THBS1: variants seen among roughly 807,000 people sequenced by gnomAD.
THBS1 encodes the protein thrombospondin-1.
In THBS1, 29 loss-of-function variants were observed where a neutral mutation model predicts 126.1. The observed-to-expected ratio is 0.23, with a 90% CI of 0.17 to 0.31. THBS1 has a LOEUF of 0.31. Among genes scored for constraint, THBS1 ranks in the 10% least tolerant of loss-of-function variants. The pLI is 1.00. For missense variants in THBS1, 1,198 were observed against 1,545.2 expected (o/e 0.78, Z 3.77); for synonymous variants, 496 against 577.8 (o/e 0.86, Z 2.03).
Position 39,594,424 on chromosome 15 carries a change from G to T in THBS1, c.3489G>T (p.Leu1163=). 6.2e-7 allele frequency: 1 copy of T among 1,614,084 alleles called. No individual in the cohort carries two copies. Among genetic ancestry groups the T allele is most frequent in the Non-Finnish European group, 8.5e-7 (1 of 1,179,994 alleles). The stretch of plus-strand genomic sequence containing the variant: ...AAGAAATGGTGTTCTTCTCTGACCT[G>T]AAATACGAATGTAGAGGTAAGAGCA... ...FSQEMVFFSD[L]KYECRDP The change falls in exon 21 of 22, where the codon CTG becomes CTT. Residue 1163 remains leucine (L), a synonymous_variant. Transcript: ENST00000260356. The surrounding 1 kb of genome is among the most constrained non-coding windows in gnomAD (Gnocchi z 4.4).
chr15:39,589,714 A>G lies in THBS1; in HGVS notation c.1927-91A>G. The stretch of plus-strand genomic sequence containing the variant: ...ACTCTTCCAAATGGAGCCTCTGTCT[A>G]CTCAGAGATGACAGGGATCTGGATT... On this transcript the variant is annotated intron_variant, in intron 12 of 21. Transcript: ENST00000260356. This position sits in a 1 kb window ranked among gnomAD's most constrained non-coding sequence, Gnocchi z 4.7. The G allele has an allele frequency of 1.5e-6, 2 of 1,329,300 alleles. No individual in the cohort carries two copies. The highest frequency in any genetic ancestry group is 2.0e-6 in the Non-Finnish European group (2 of 987,522). The allele number at this position is 1,329,300 out of a possible 1,614,324, so 82.3% of individuals were successfully genotyped here.
At chr15:39,582,150 C>T in intron 2 of THBS1, 43 bp from the exon 3 acceptor site, 1 of 1,546,728 alleles carries the variant, frequency 6.5e-7, no homozygotes, top group Non-Finnish European at 8.7e-7. Context: ...TACTGCTGGT[C>T]CCAGCCTAGA....
At position 39,591,544 on chromosome 15, in the gene THBS1, A is replaced by G. The variant is rs781562493; in HGVS notation, c.2453A>G (p.Asn818Ser). The stretch of plus-strand genomic sequence containing the variant: ...CGGGACAACTGCCAGTACGTCTACA[A>G]TGTGGACCAGAGAGACACTGATATG... ...NERDNCQYVY[N>S]VDQRDTDMDG... is the part of the protein sequence containing the mutation. The change falls in exon 16 of 22, where the codon AAT (asparagine) becomes AGT (serine). Residue 818 changes from asparagine to serine, a missense_variant. Around this residue, in one of 4 missense-constraint regions of THBS1, gnomAD observed 663 missense variants for 860.1 expected, o/e 0.77. Transcript: ENST00000260356. 14 of 1,614,092 alleles carry G rather than the reference A, an allele frequency of 8.7e-6. No individual in the cohort carries two copies. In the Admixed American group the frequency reaches 1.7e-4, roughly 19 times the overall value.
In THBS1 at chr15:39,588,596, A is replaced by G. The variant is rs551141221; in HGVS notation, c.1542A>G (p.Lys514=). ...TCACCTGTGGAGGAGGGGTACAGAA[A>G]CGTAGTCGTCTCTGCAACAACCCCA... is the stretch of plus-strand genomic sequence containing the variant. ...CSVTCGGGVQ[K]RSRLCNNPTP... Residue 514 remains lysine, a synonymous_variant, in exon 10 of 22, where the codon AAA becomes AAG. Coordinates refer to ENST00000260356, the MANE Select transcript of THBS1 (RefSeq NM_003246.4). The G allele has an allele frequency of 1.2e-5, 19 of 1,610,384 alleles. 1 individual carries two copies. In the South Asian group the frequency reaches 1.3e-4, roughly 11 times the overall value.
rs1226379132 is a variant in THBS1 at position 39,595,805 on chromosome 15, C to T, written c.*436C>T. On this transcript the variant is annotated 3_prime_UTR_variant, in exon 22 of 22. Transcript: ENST00000260356. ...CCACCCTGACATCCTCCTTCAGGAA[C>T]ACGGGGAGCAGAGGCCAAAGCACTA... The T allele has an allele frequency of 2.2e-6, 1 of 460,670 alleles. No individual in the cohort carries two copies. The highest frequency in any genetic ancestry group is 2.0e-5 in the African/African-American group (1 of 50,402). 28.5% of individuals were successfully genotyped at this position (460,670 alleles called of 1,614,324 possible).
chr15:39,592,550 T>A lies in THBS1; in HGVS notation c.2533-18T>A, dbSNP rs1226167219. The stretch of plus-strand genomic sequence containing the variant: ...GGTTTATACTGCAATTTACCCTCCA[T>A]TTACATCTCTCTTTCAGCTGGACTC... On this transcript the variant is annotated intron_variant, in intron 16 of 21. Coordinates refer to ENST00000260356, the MANE Select transcript of THBS1 (RefSeq NM_003246.4). The surrounding 1 kb of genome is among the most constrained non-coding windows in gnomAD (Gnocchi z 4.3). 6 of 1,595,802 alleles carry A rather than the reference T, an allele frequency of 3.8e-6. No homozygotes were observed. Among genetic ancestry groups the A allele is most frequent in the Non-Finnish European group, 5.1e-6 (6 of 1,168,526 alleles).
In THBS1 at chr15:39,582,040, C is replaced by T. The variant is rs1238280262; in HGVS notation, c.67+116C>T. 3.7e-6 allele frequency: 5 copies of T among 1,336,276 alleles called. No individual in the cohort carries two copies. The African/African-American group carries it at 5.8e-5, about 15-fold the overall frequency. 82.8% of individuals were successfully genotyped at this position (1,336,276 alleles called of 1,614,324 possible). On this transcript the variant is annotated intron_variant, in intron 2 of 21. Coordinates refer to ENST00000260356, the MANE Select transcript of THBS1 (RefSeq NM_003246.4). ...TCTTGAGCCTGACTGGACATCAGGACGCAGCTTCACTCTGATCCTGGTATT... is the reference window on the plus strand; with the variant it reads ...TCTTGAGCCTGACTGGACATCAGGATGCAGCTTCACTCTGATCCTGGTATT...
rs938806229 is a variant in THBS1 at position 39,583,918 on chromosome 15, T to C, written c.704-70T>C. 5.4e-5 allele frequency: 85 copies of C among 1,568,480 alleles called. 1 individual carries two copies. The East Asian group carries it at 1.6e-3, about 30-fold the overall frequency. On this transcript the variant is annotated intron_variant, in intron 4 of 21. Transcript: ENST00000260356. The stretch of plus-strand genomic sequence containing the variant: ...CCTTCACACCAAATGAAACGTCTTC[T>C]ACCACTAAGAACTCAAGAGGCTGGT...
chr15:39,589,449 C>CAAA lies in THBS1; in HGVS notation c.1926+103_1926+105dup. Reference sequence around the variant, plus strand: ...AGGAATGTAATTTCATACCCTTCACCAAAAAAAAAAGGGCGAGGAGATGAA... The same window carrying CAAA: ...AGGAATGTAATTTCATACCCTTCACCAAAAAAAAAAAAAGGGCGAGGAGATGAA... On this transcript the variant is annotated intron_variant, in intron 12 of 21. Coordinates refer to ENST00000260356, the MANE Select transcript of THBS1 (RefSeq NM_003246.4). This position sits in a 1 kb window ranked among gnomAD's most constrained non-coding sequence, Gnocchi z 4.7. 1.7e-6 allele frequency: 2 copies of CAAA among 1,148,556 alleles called. No homozygotes were observed. The highest frequency in any genetic ancestry group is 3.2e-5 in the East Asian group (1 of 30,814). The allele number at this position is 1,148,556 out of a possible 1,614,324, so 71.1% of individuals were successfully genotyped here.
chr15:39,589,852 C>T lies in THBS1; in HGVS notation c.1974C>T (p.Asn658=). 1 of 1,614,102 alleles carries T rather than the reference C, an allele frequency of 6.2e-7. No homozygotes were observed. Among genetic ancestry groups the T allele is most frequent in the Non-Finnish European group, 8.5e-7 (1 of 1,179,988 alleles). The change falls in exon 13 of 22, where the codon AAC becomes AAT. Residue 658 remains asparagine (N), a synonymous_variant. Coordinates refer to ENST00000260356, the MANE Select transcript of THBS1 (RefSeq NM_003246.4). This position sits in a 1 kb window ranked among gnomAD's most constrained non-coding sequence, Gnocchi z 4.7. ...GCACGGATGGGACCCACGACTGCAA[C>T]AAGAACGCCAAGTGCAACTACCTGG... is the stretch of plus-strand genomic sequence containing the variant. The part of the protein sequence containing the change: ...NPCTDGTHDC[N]KNAKCNYLGH...
chr15:39,581,812 T>C lies in THBS1; in HGVS notation c.-29-17T>C. ...TAGCTGATCTCTGACCCTCGGCTCT[T>C]GTGCTTCCTGCTACAGGATCCCTGC... On this transcript the variant is annotated splice_polypyrimidine_tract_variant and intron_variant, in intron 1 of 21. Transcript: ENST00000260356. 1 of 1,573,122 alleles carries C rather than the reference T, an allele frequency of 6.4e-7. No individual in the cohort carries two copies. Among genetic ancestry groups the C allele is most frequent in the Non-Finnish European group, 8.7e-7 (1 of 1,143,658 alleles).
rs1234678520 is a variant in THBS1 at position 39,595,794 on chromosome 15, T to C, written c.*425T>C. 5.6e-5 allele frequency: 26 copies of C among 462,322 alleles called. No individual in the cohort carries two copies. Among genetic ancestry groups the C allele is most frequent in the Non-Finnish European group, 1.1e-4 (26 of 231,436 alleles). 28.6% of individuals were successfully genotyped at this position (462,322 alleles called of 1,614,324 possible). On this transcript the variant is annotated 3_prime_UTR_variant, in exon 22 of 22. Coordinates refer to ENST00000260356, the MANE Select transcript of THBS1 (RefSeq NM_003246.4). ...AGCAAACAAAACCACCCTGACATCC[T>C]CCTTCAGGAACACGGGGAGCAGAGG...
In THBS1 at chr15:39,595,448, C is replaced by A; in HGVS notation, c.*79C>A. ...TTCTGGAACTATGGGCTTGAGAAAA[C>A]CCCCAGGATCACTTCTCCTTGGCTT... is the stretch of plus-strand genomic sequence containing the variant. On this transcript the variant is annotated 3_prime_UTR_variant, in exon 22 of 22. Transcript: ENST00000260356. The A allele has an allele frequency of 1.4e-6, 2 of 1,466,228 alleles. No individual in the cohort carries two copies. Among genetic ancestry groups the A allele is most frequent in the Non-Finnish European group, 1.8e-6 (2 of 1,103,794 alleles). 90.8% of individuals were successfully genotyped at this position (1,466,228 alleles called of 1,614,324 possible). A position where few individuals can be genotyped will look rare whatever the true frequency, so the allele number is the denominator to read the frequency against.
In THBS1 at chr15:39,587,444, C is replaced by T. The variant is rs767794896; in HGVS notation, c.1218C>T (p.Cys406=). The T allele has an allele frequency of 9.9e-6, 16 of 1,613,854 alleles. 1 individual carries two copies. The highest frequency in any genetic ancestry group is 1.6e-4 in the Middle Eastern group (1 of 6,062). Residue 406 remains cysteine, a synonymous_variant, in exon 8 of 22, where the codon TGC becomes TGT. Transcript: ENST00000260356. ...GNGIQQRGRS[C]DSLNNRCEGS... is the part of the protein sequence containing the mutation. ...GAATTCAGCAGCGCGGCCGCTCCTG[C>T]GATAGCCTCAACAACCGATGTGAGG...
intron 2 of THBS1, 64 bp from the exon 3 acceptor site, chr15:39,582,129 A>G: frequency 6.6e-7 from 1 of 1,517,412 alleles, no homozygotes; most frequent in Non-Finnish European, 8.9e-7. Flanking sequence ...ACCCCTAAGG[A>G]CTCAGCCCCC....
Position 39,592,732 on chromosome 15 carries a change from C to A in THBS1, c.2697C>A (p.Asp899Glu). 6.2e-7 allele frequency: 1 copy of A among 1,614,170 alleles called. No individual in the cohort carries two copies. Among genetic ancestry groups the A allele is most frequent in the Non-Finnish European group, 8.5e-7 (1 of 1,180,038 alleles). The change falls in exon 17 of 22, where the codon GAC becomes GAA. Residue 899 changes from aspartate to glutamate, a missense_variant. Physicochemically the swap from Asp to Glu is conservative, Grantham distance 45 (BLOSUM62 2). Coordinates refer to ENST00000260356, the MANE Select transcript of THBS1 (RefSeq NM_003246.4). This position sits in a 1 kb window ranked among gnomAD's most constrained non-coding sequence, Gnocchi z 4.3. ...GKGDACDHDD[D>E]NDGIPDDKDN... ...GAGATGCCTGTGACCACGATGATGA[C>A]AACGATGGCATTCCTGATGACAAGG... is the stretch of plus-strand genomic sequence containing the variant.
chr15:39,582,070 C>A, intron 2 of THBS1, 123 bp from the exon 3 acceptor site: 1 of 1,325,350 alleles, frequency 7.5e-7, no homozygotes. Flanking sequence ...GGTATTTATT[C>A]ACCTCTTTCA....
rs567709877 is a variant in THBS1 at position 39,595,893 on chromosome 15, G to A, written c.*524G>A. 1.3e-5 allele frequency: 6 copies of A among 456,032 alleles called. No homozygotes were observed. Among genetic ancestry groups the A allele is most frequent in the East Asian group, 6.9e-5 (1 of 14,394 alleles). 28.2% of individuals were successfully genotyped at this position (456,032 alleles called of 1,614,324 possible). A position where few individuals can be genotyped will look rare whatever the true frequency, so the allele number is the denominator to read the frequency against. ...AATATGGAGGAACTGTTACATGTTC[G>A]GTACTAAGTCATTTTCAGGGGATTG... On this transcript the variant is annotated 3_prime_UTR_variant, in exon 22 of 22. Transcript: ENST00000260356.
chr15:39,593,018 C>A lies in THBS1; in HGVS notation c.2786C>A (p.Ala929Asp), dbSNP rs757276270. The change falls in exon 18 of 22, where the codon GCC becomes GAC. Residue 929 changes from alanine to aspartate, a missense_variant. Around this residue, in one of 4 missense-constraint regions of THBS1, gnomAD observed 255 missense variants for 373.9 expected, o/e 0.68. Transcript: ENST00000260356. This position sits in a 1 kb window ranked among gnomAD's most constrained non-coding sequence, Gnocchi z 5.9. ...KDSDGDGRGD[A>D]CKDDFDHDSV... ...ACCTCAGGCGATGGTCGAGGTGATG[C>A]CTGCAAAGATGATTTTGACCATGAC... The A allele has an allele frequency of 2.5e-6, 4 of 1,613,032 alleles. No homozygotes were observed. In the East Asian group the frequency reaches 6.7e-5, roughly 27 times the overall value.
Sources: gnomAD v4.1 joint callset for allele counts on GRCh38, gnomAD v4.1.1 for gene constraint, gnomAD v4.1.1 regional missense constraint, Gnocchi (gnomAD v3.1) non-coding constraint, MANE v1.5 for transcripts, NCBI Gene and HGNC (gene_info 2026-07-23, HGNC 2026-07-21) for gene names.